ABTB3: variants seen among roughly 807,000 people sequenced by gnomAD.
ABTB3 encodes ankyrin repeat- and BTB/POZ domain-containing protein 3.
the ABTB3 span, among the ~76,000 whole-genome samples, chr12:107,481,794 C>T: frequency 6.6e-6 from 1 of 152,142 alleles, no homozygotes; most frequent in African/African-American, 2.4e-5. Context: ...TGTTCTCTCC[C>T]TGGGACATTC....
At chr12:107,643,563 G>C in the ABTB3 span, among the ~76,000 whole-genome samples, 1 of 152,140 alleles carries the variant, frequency 6.6e-6, no homozygotes, top group Admixed American at 6.5e-5. Context: ...CCTCAGCCTA[G>C]GCCCTCCCCA....
the ABTB3 span, among the ~76,000 whole-genome samples, chr12:107,416,065 C>A: frequency 6.6e-6 from 1 of 152,160 alleles, no homozygotes; most frequent in African/African-American, 2.4e-5. Context: ...ATAATTCGGG[C>A]AGGCGCAGCT....
chr12:107,402,388 C>T, the ABTB3 span, among the ~76,000 whole-genome samples: 4 of 152,294 alleles, frequency 2.6e-5, no homozygotes, highest in South Asian at 8.3e-4. Context: ...GAGGCTGAGT[C>T]TTAACCTCTC....
the ABTB3 span, among the ~76,000 whole-genome samples, chr12:107,499,703 T>G: frequency 6.6e-6 from 1 of 150,968 alleles, no homozygotes; most frequent in South Asian, 2.1e-4. Flanking sequence ...TTTTTTTTTT[T>G]AAGATAGAAT....
chr12:107,319,384 G>A, the ABTB3 span: 2 of 1,585,758 alleles, frequency 1.3e-6, no homozygotes, highest in Non-Finnish European at 1.7e-6. Context: ...AAGAGGCGCA[G>A]CGCCTGAGCC....
chr12:107,573,229 T>C, the ABTB3 span, among the ~76,000 whole-genome samples: 2 of 152,176 alleles, frequency 1.3e-5, no homozygotes, highest in Non-Finnish European at 2.9e-5. Flanking sequence ...GCTTCCTCCC[T>C]ACCTCAGCCA....
the ABTB3 span, among the ~76,000 whole-genome samples, chr12:107,574,681 C>A: frequency 4.6e-5 from 7 of 151,948 alleles, no homozygotes; most frequent in African/African-American, 9.7e-5. Flanking sequence ...AAGATCACTG[C>A]GCAACAGAGC....
the ABTB3 span, among the ~76,000 whole-genome samples, chr12:107,352,140 T>C: frequency 6.6e-6 from 1 of 152,174 alleles, no homozygotes. Context: ...CAGGCTGTTA[T>C]GACACTGGGT....
At chr12:107,635,850 A>ACCCCCCCCCCCCC in the ABTB3 span, among the ~76,000 whole-genome samples, 3 of 56,612 alleles carry the variant, frequency 5.3e-5, no homozygotes, top group African/African-American at 1.1e-4. Flanking sequence ...GGGAGGAACA[A>ACCCCCCCCCCCCC]CCCCCCCCCC....
chr12:107,326,780 T>A, the ABTB3 span, among the ~76,000 whole-genome samples: 2 of 152,170 alleles, frequency 1.3e-5, no homozygotes, highest in African/African-American at 4.8e-5. Flanking sequence ...ATAACCATCA[T>A]GAAACTCCCA....
chr12:107,616,950 C>A, the ABTB3 span: 1 of 773,480 alleles, frequency 1.3e-6, no homozygotes, highest in Non-Finnish European at 2.2e-6. Flanking sequence ...GGTACAGTTG[C>A]CCTCCAGCCT....
the ABTB3 span, among the ~76,000 whole-genome samples, chr12:107,465,435 C>T: frequency 2.0e-5 from 3 of 152,128 alleles, no homozygotes; most frequent in Non-Finnish European, 2.9e-5. Flanking sequence ...ACACTGTGAG[C>T]CTCTTCCTAC....
the ABTB3 span, among the ~76,000 whole-genome samples, chr12:107,451,095 ATAT>A: frequency 6.6e-6 from 1 of 152,076 alleles, no homozygotes; most frequent in African/African-American, 2.4e-5. Context: ...GGCCCCTGTG[ATAT>A]TATGCAACTG....
At chr12:107,490,079 C>T in the ABTB3 span, among the ~76,000 whole-genome samples, 12 of 152,194 alleles carry the variant, frequency 7.9e-5, no homozygotes, top group African/African-American at 2.9e-4. Context: ...GAGCTCCACT[C>T]ATAGGTGGAT....
the ABTB3 span, among the ~76,000 whole-genome samples, chr12:107,338,652 G>A: frequency 6.6e-6 from 1 of 152,050 alleles, no homozygotes; most frequent in Non-Finnish European, 1.5e-5. Context: ...CGTTATGTTG[G>A]GGGACATAAT....
chr12:107,441,656 G>T, the ABTB3 span, among the ~76,000 whole-genome samples: 1 of 151,840 alleles, frequency 6.6e-6, no homozygotes, highest in Non-Finnish European at 1.5e-5. Context: ...TACCTGGGGG[G>T]TCCAGACACA....
At chr12:107,640,463 C>A in the ABTB3 span, 7 of 1,197,702 alleles carry the variant, frequency 5.8e-6, no homozygotes, top group South Asian at 7.2e-5. Context: ...TTGGCTGTTG[C>A]TATTACTATT....
At chr12:107,319,029 GCT>G in the ABTB3 span, 1 of 1,613,634 alleles carries the variant, frequency 6.2e-7, no homozygotes, top group Non-Finnish European at 8.5e-7. Flanking sequence ...GACTCGGTGC[GCT>G]CCTCCAACTT....
At chr12:107,578,429 T>A in the ABTB3 span, among the ~76,000 whole-genome samples, 1 of 131,992 alleles carries the variant, frequency 7.6e-6, no homozygotes, top group Non-Finnish European at 1.6e-5. Flanking sequence ...TTCTTTGGCA[T>A]TCACCAGGCA....
Sources: allele counts gnomAD v4.1 joint callset (sites outside exome capture counted in the v4.1 genomes callset), GRCh38; gene constraint gnomAD v4.1.1; transcripts MANE v1.5; gene names NCBI Gene and HGNC (gene_info 2026-07-23, HGNC 2026-07-21).